The following BABAM2 variants were observed in gnomAD, a reference collection of about 807,000 sequenced individuals.
The protein encoded by BABAM2 is BRISC and BRCA1 A complex member 2.
BABAM2 carries 31 observed loss-of-function variants against 54.7 expected under a neutral mutation model. That is an observed-to-expected ratio of 0.57 (90% CI 0.43 to 0.77). The LOEUF is 0.77. Ranked by LOEUF, BABAM2 falls within the 30% of genes least tolerant of loss-of-function variation. BABAM2 has a pLI of 0.00. For missense variants in BABAM2, 364 were observed against 455.8 expected (o/e 0.80, Z 1.83); for synonymous variants, 167 against 162.9 (o/e 1.03, Z -0.19).
rs571489593 is a variant in BABAM2 at position 28,206,584 on chromosome 2, A to G, written c.681-30618A>G. Among the ~76,000 whole-genome samples the G allele has an allele frequency of 2.2e-4, 33 of 152,140 alleles. No individual in the cohort carries two copies. The East Asian group carries it at 5.8e-3, about 27-fold the overall frequency. ...GAGGCTGAAACCCCACCAGTGCTCC[A>G]CTCACCCAGCTGCTCTTCTGGCCAA... is the stretch of plus-strand genomic sequence containing the variant. On this transcript the variant is annotated intron_variant, in intron 7 of 11. Transcript: ENST00000379624.
At chr2:28,174,950 A>T (rs919532757) in intron 7 of BABAM2, among the ~76,000 whole-genome samples, 18 of 152,160 alleles carry the variant, frequency 1.2e-4, no homozygotes, top group South Asian at 6.2e-4. Flanking sequence ...GTATCCCAGG[A>T]AACAGGCAGT....
At chr2:28,256,164 T>C (rs1168342904) in intron 10 of BABAM2, among the ~76,000 whole-genome samples, 1 of 152,254 alleles carries the variant, frequency 6.6e-6, no homozygotes, top group Non-Finnish European at 1.5e-5. Flanking sequence ...AGATATATCA[T>C]TTCTTTAGCA....
At chr2:28,038,095 A>C (rs950337342) in intron 5 of BABAM2, among the ~76,000 whole-genome samples, 12 of 152,232 alleles carry the variant, frequency 7.9e-5, no homozygotes, top group Non-Finnish European at 1.2e-4. Context: ...GGAAAAACTA[A>C]AACAAAACAT....
At chr2:28,187,857 T>A (rs988724454) in intron 7 of BABAM2, among the ~76,000 whole-genome samples, 1 of 151,868 alleles carries the variant, frequency 6.6e-6, no homozygotes, top group Non-Finnish European at 1.5e-5. Flanking sequence ...TAGTAGAGAC[T>A]GAGTTTCACC....
intron 7 of BABAM2, among the ~76,000 whole-genome samples, chr2:28,221,607 G>T (rs1461169914): frequency 6.6e-6 from 1 of 152,126 alleles, no homozygotes; most frequent in East Asian, 1.9e-4. Flanking sequence ...GAACCTGAAG[G>T]CTGCTATCTT....
chr2:28,249,522 C>T (rs1335594602), intron 10 of BABAM2, among the ~76,000 whole-genome samples: 1 of 152,138 alleles, frequency 6.6e-6, no homozygotes, highest in East Asian at 1.9e-4. Context: ...AACTTCTTGT[C>T]TAGTTGATGA....
chr2:28,210,305 T>C lies in BABAM2; in HGVS notation c.681-26897T>C, dbSNP rs181312853. On this transcript the variant is annotated intron_variant, in intron 7 of 11. Coordinates refer to ENST00000379624, the MANE Select transcript of BABAM2 (RefSeq NM_199191.3). Reference sequence around the variant, plus strand: ...AGAATAAATAGGAAAGACACGTTTGTGCCGTGAGCTGCTCACAATCTAGGG... The same window carrying C: ...AGAATAAATAGGAAAGACACGTTTGCGCCGTGAGCTGCTCACAATCTAGGG... Among the ~76,000 whole-genome samples the C allele has an allele frequency of 4.3e-4, 66 of 152,320 alleles. 1 individual carries two copies. Among genetic ancestry groups the C allele is most frequent in the African/African-American group, 1.6e-3 (65 of 41,568 alleles).
chr2:28,074,311 T>C (rs1279143209), intron 6 of BABAM2, among the ~76,000 whole-genome samples: 1 of 152,186 alleles, frequency 6.6e-6, no homozygotes, highest in Admixed American at 6.5e-5. Context: ...TGTTATAGAA[T>C]GTTTAGCAGC....
intron 2 of BABAM2, among the ~76,000 whole-genome samples, chr2:27,907,537 CAT>C (rs1185402998): frequency 6.6e-6 from 1 of 152,150 alleles, no homozygotes; most frequent in African/African-American, 2.4e-5. Flanking sequence ...ATATACATAA[CAT>C]AAATTTACAA....
chr2:27,891,242 C>A (rs558779678), intron 1 of BABAM2: 1 of 152,164 alleles, frequency 6.6e-6, no homozygotes, highest in East Asian at 1.9e-4. Context: ...CCCAGTGTAA[C>A]TTCCCTCGTG....
At chr2:27,984,634 AT>A (rs1672262416) in intron 3 of BABAM2, among the ~76,000 whole-genome samples, 1 of 151,920 alleles carries the variant, frequency 6.6e-6, no homozygotes, top group African/African-American at 2.4e-5. Context: ...CTTTTTTTAA[AT>A]AAAAATATAT....
intron 10 of BABAM2, among the ~76,000 whole-genome samples, chr2:28,289,089 T>C (rs1687068487): frequency 6.6e-6 from 1 of 151,962 alleles, no homozygotes; most frequent in Non-Finnish European, 1.5e-5. Context: ...CACACGATTA[T>C]GTAAAACATA....
At chr2:28,123,814 C>G (rs924530710) in intron 6 of BABAM2, among the ~76,000 whole-genome samples, 1 of 152,176 alleles carries the variant, frequency 6.6e-6, no homozygotes, top group Admixed American at 6.5e-5. Context: ...CTGGAAAAAA[C>G]TAGTTTCATA....
At chr2:28,176,070 GA>G (rs957958334) in intron 7 of BABAM2, among the ~76,000 whole-genome samples, 1 of 152,108 alleles carries the variant, frequency 6.6e-6, no homozygotes, top group African/African-American at 2.4e-5. Context: ...ACATCTTCAG[GA>G]AAAAGTCTTC....
At chr2:27,961,803 C>T (rs1670493430) in intron 3 of BABAM2, among the ~76,000 whole-genome samples, 1 of 149,518 alleles carries the variant, frequency 6.7e-6, no homozygotes, top group Non-Finnish European at 1.5e-5. Flanking sequence ...TCATAGCTCA[C>T]CGTAACCTTG....
At chr2:28,203,975 A>C (rs926733647) in intron 7 of BABAM2, among the ~76,000 whole-genome samples, 1 of 152,116 alleles carries the variant, frequency 6.6e-6, no homozygotes, top group African/African-American at 2.4e-5. Context: ...GTATTACCCA[A>C]ATTTATCATT....
At chr2:28,157,347 A>C (rs1672639460) in intron 7 of BABAM2, among the ~76,000 whole-genome samples, 1 of 152,192 alleles carries the variant, frequency 6.6e-6, no homozygotes, top group Non-Finnish European at 1.5e-5. Flanking sequence ...TGAAGAGCCA[A>C]ACACCCCATT....
intron 7 of BABAM2, among the ~76,000 whole-genome samples, chr2:28,212,391 A>G (rs1679544151): frequency 6.6e-6 from 1 of 152,080 alleles, no homozygotes; most frequent in South Asian, 2.1e-4. Flanking sequence ...TTTCATCCAT[A>G]ATACATTCTC....
At chr2:28,319,169 C>T (rs1216327212) in intron 11 of BABAM2, among the ~76,000 whole-genome samples, 2 of 152,208 alleles carry the variant, frequency 1.3e-5, no homozygotes, top group Non-Finnish European at 2.9e-5. Context: ...AGTGAAGTTC[C>T]CCATGCCCAT....
Sources: gnomAD v4.1 joint callset for allele counts (sites outside exome capture counted in the v4.1 genomes callset) on GRCh38, gnomAD v4.1.1 for gene constraint, MANE v1.5 for transcripts, NCBI Gene and HGNC (gene_info 2026-07-23, HGNC 2026-07-21) for gene names.